The following CLVS1 variants were observed in gnomAD, a reference collection of about 807,000 sequenced individuals.
The protein encoded by CLVS1 is clavesin 1, also known as clavesin-1.
A neutral mutation model predicts 33.1 loss-of-function variants in CLVS1; 10 were observed. The ratio of observed to expected loss-of-function variants is 0.30; its 90% CI spans 0.19 to 0.51. The LOEUF (loss-of-function observed/expected upper bound fraction) is 0.51, where lower values mean the gene tolerates loss of function less well. Among genes scored for constraint, CLVS1 ranks in the 20% least tolerant of loss-of-function variants. CLVS1 has a pLI of 0.97. For missense variants in CLVS1, 343 were observed against 433.4 expected (o/e 0.79, Z 1.85); for synonymous variants, 163 against 166.1 (o/e 0.98, Z 0.14).
upstream of CLVS1, among the ~76,000 whole-genome samples, chr8:61,286,121 T>G (rs1402917505): frequency 6.6e-6 from 1 of 152,116 alleles, no homozygotes; most frequent in East Asian, 1.9e-4. Flanking sequence ...TTCCCATAAC[T>G]GTGGCTTCTT....
At chr8:61,469,459 A>C (rs1280540456) in intron 5 of CLVS1, among the ~76,000 whole-genome samples, 2 of 152,200 alleles carry the variant, frequency 1.3e-5, no homozygotes, top group Non-Finnish European at 1.5e-5. Flanking sequence ...TGCCCGGATT[A>C]AATTCAAATT....
At chr8:61,317,370 A>G (rs1276992030) in intron 2 of CLVS1, among the ~76,000 whole-genome samples, 3 of 152,198 alleles carry the variant, frequency 2.0e-5, no homozygotes, top group African/African-American at 7.2e-5. Context: ...AGGAGTCCTC[A>G]TGATAGTTTA....
intron 2 of CLVS1, among the ~76,000 whole-genome samples, chr8:61,346,142 T>C (rs1812212659): frequency 6.6e-6 from 1 of 152,164 alleles, no homozygotes; most frequent in Non-Finnish European, 1.5e-5. Flanking sequence ...ATTGGGCATT[T>C]CCCTGAAGAG....
At chr8:61,449,335 G>C (rs1019226478) in intron 3 of CLVS1, among the ~76,000 whole-genome samples, 1 of 152,208 alleles carries the variant, frequency 6.6e-6, no homozygotes, top group Admixed American at 6.5e-5. Flanking sequence ...TGACAGGTGG[G>C]GGAGGAAGTC....
Position 61,299,771 on chromosome 8 carries a change from C to G in CLVS1, c.-57C>G. The G allele has an allele frequency of 7.6e-7, 1 of 1,311,588 alleles. No individual in the cohort carries two copies. The highest frequency in any genetic ancestry group is 1.1e-6 in the Non-Finnish European group (1 of 935,254). The allele number at this position is 1,311,588 out of a possible 1,614,324, so 81.2% of individuals were successfully genotyped here. A position where few individuals can be genotyped will look rare whatever the true frequency, so the allele number is the denominator to read the frequency against. On this transcript the variant is annotated 5_prime_UTR_variant, in exon 2 of 6. Transcript: ENST00000325897. ...GACCCTCTATTTGTCTGTTCCGGGG[C>G]AGCCTGGTAGTAAAACACTGTTGAA... is the stretch of plus-strand genomic sequence containing the variant.
At chr8:61,068,229 G>A (rs6986564) in intron 1 of CLVS1, among the ~76,000 whole-genome samples, 30,604 of 100,396 alleles carry the variant, frequency 0.3, 4,383 homozygotes, top group African/African-American at 0.5. Context: ...GTATGTATGT[G>A]TATATATATA....
intron 3 of CLVS1, among the ~76,000 whole-genome samples, chr8:61,406,290 T>A (rs1814982009): frequency 6.6e-6 from 1 of 152,144 alleles, no homozygotes; most frequent in Non-Finnish European, 1.5e-5. Context: ...TCCAAACCAT[T>A]CTACAAAACA....
At chr8:61,343,113 G>A (rs1812082990) in intron 2 of CLVS1, among the ~76,000 whole-genome samples, 1 of 151,986 alleles carries the variant, frequency 6.6e-6, no homozygotes, top group Non-Finnish European at 1.5e-5. Flanking sequence ...AGTAACTTTG[G>A]GTATATTTTA....
At chr8:61,170,196 G>A (rs894696857) in intron 2 of CLVS1, among the ~76,000 whole-genome samples, 1 of 150,284 alleles carries the variant, frequency 6.7e-6, no homozygotes, top group African/African-American at 2.4e-5. Context: ...GATTTCATTT[G>A]TTGGGCATTA....
intron 1 of CLVS1, among the ~76,000 whole-genome samples, chr8:61,091,209 G>A (rs962889542): frequency 3.9e-5 from 6 of 152,180 alleles, no homozygotes; most frequent in African/African-American, 7.2e-5. Flanking sequence ...AGATCTGAGC[G>A]ATGTGGCCAG....
At chr8:61,490,067 G>A (rs1804016114) in intron 5 of CLVS1, among the ~76,000 whole-genome samples, 1 of 152,210 alleles carries the variant, frequency 6.6e-6, no homozygotes, top group South Asian at 2.1e-4. Context: ...TGTAATCCCA[G>A]CACTTTGGGA....
intron 2 of CLVS1, among the ~76,000 whole-genome samples, chr8:61,253,692 C>T (rs1451037620): frequency 6.6e-6 from 1 of 152,166 alleles, no homozygotes; most frequent in Non-Finnish European, 1.5e-5. Flanking sequence ...CACTGATACC[C>T]TTTCTTCCAG....
At chr8:61,287,629 G>A (rs748588334), upstream of CLVS1, among the ~76,000 whole-genome samples, 1 of 151,948 alleles carries the variant, frequency 6.6e-6, no homozygotes, top group African/African-American at 2.4e-5. Flanking sequence ...TTGGTGAAAA[G>A]ACTTTGATTT....
At chr8:61,068,331 T>A (rs757185667) in intron 1 of CLVS1, among the ~76,000 whole-genome samples, 22 of 150,744 alleles carry the variant, frequency 1.5e-4, no homozygotes, top group Non-Finnish European at 2.2e-4. Flanking sequence ...CTTAACACAG[T>A]TTCACTATGG....
chr8:61,253,464 G>A (rs1487261453), intron 2 of CLVS1, among the ~76,000 whole-genome samples: 1 of 152,076 alleles, frequency 6.6e-6, no homozygotes, highest in Non-Finnish European at 1.5e-5. Context: ...TTGAATGTTG[G>A]CCTGCCTTTC....
chr8:61,470,037 G>A (rs549204953), intron 5 of CLVS1, among the ~76,000 whole-genome samples: 8 of 152,220 alleles, frequency 5.3e-5, no homozygotes, highest in Non-Finnish European at 8.8e-5. Flanking sequence ...GGATACTGGA[G>A]TGTTCCACAG....
chr8:61,082,325 G>A (rs375446074), intron 1 of CLVS1, among the ~76,000 whole-genome samples: 111 of 152,138 alleles, frequency 7.3e-4, no homozygotes, highest in African/African-American at 2.3e-3. Flanking sequence ...GATGTAATAC[G>A]TAATGGAAAT....
At chr8:61,357,489 C>CTTTTATTTATTTTTTTTTTTTTT (rs1462908906) in intron 2 of CLVS1, among the ~76,000 whole-genome samples, 1 of 30,284 alleles carries the variant, frequency 3.3e-5, no homozygotes, top group Non-Finnish European at 7.4e-5. Flanking sequence ...TTTCCTTTTT[C>CTTTTATTTATTTTTTTTTTTTTT]TTTTCTTTTT....
chr8:61,187,132 A>AT (rs35339159), intron 2 of CLVS1, among the ~76,000 whole-genome samples: 90,384 of 151,466 alleles, frequency 0.6, 29,961 homozygotes, highest in Middle Eastern at 0.82. Context: ...GCATTGCAAT[A>AT]TTTTTTTTTC....
Sources: allele counts gnomAD v4.1 joint callset (sites outside exome capture counted in the v4.1 genomes callset), GRCh38; gene constraint gnomAD v4.1.1; transcripts MANE v1.5; gene names NCBI Gene and HGNC (gene_info 2026-07-23, HGNC 2026-07-21).